Variants in GSDME observed in about 807,000 individuals in gnomAD.
GSDME encodes the protein gasdermin E.
In GSDME, 44 loss-of-function variants were observed where a neutral mutation model predicts 47.5. The ratio of observed to expected loss-of-function variants is 0.93; its 90% CI spans 0.73 to 1.19. The LOEUF is 1.19. Among genes scored for constraint, GSDME ranks in the 50% most tolerant of loss-of-function variants. The pLI is 0.00. For synonymous variants in GSDME, 258 were observed against 252.8 expected (o/e 1.02, Z -0.20); for missense variants, 663 against 604.2 (o/e 1.10, Z -1.02).
the GSDME span, among the ~76,000 whole-genome samples, chr7:24,770,302 C>T: frequency 2.0e-5 from 3 of 152,188 alleles, no homozygotes; most frequent in Non-Finnish European, 4.4e-5. This position sits in a 1 kb window ranked among gnomAD's most constrained non-coding sequence, Gnocchi z 4.6. Context: ...GAAGCTTTGT[C>T]TTCCTCCCTC....
At chr7:24,722,194 A>T (rs1340370463) in intron 3 of GSDME, among the ~76,000 whole-genome samples, 1 of 152,238 alleles carries the variant, frequency 6.6e-6, no homozygotes, top group Non-Finnish European at 1.5e-5. Context: ...TTTGGAATAA[A>T]TGAGTAAATA....
At chr7:24,765,245 C>T in the GSDME span, among the ~76,000 whole-genome samples, 2 of 152,174 alleles carry the variant, frequency 1.3e-5, no homozygotes, top group Non-Finnish European at 2.9e-5. Flanking sequence ...AATAAACAAT[C>T]CCATTAAGTT....
chr7:24,719,050 C>T lies in GSDME; in HGVS notation c.573G>A (p.Val191=), dbSNP rs1322674173. ...GGIVGIQTKT[V]QVSATEDGNV... ...AGGGCAGCCCGACTGCACGCACCTGCACCGTCTTGGTCTGGATGCCCACGA... is the reference window on the plus strand; with the variant it reads ...AGGGCAGCCCGACTGCACGCACCTGTACCGTCTTGGTCTGGATGCCCACGA... The change falls in exon 4 of 10, where the codon GTG becomes GTA. Residue 191 remains valine (V), a synonymous_variant. Transcript: ENST00000645220. The T allele has an allele frequency of 4.3e-6, 7 of 1,612,378 alleles. No homozygotes were observed. In the African/African-American group the frequency reaches 5.3e-5, roughly 12 times the overall value.
intron 8 of GSDME, chr7:24,703,464 C>G (rs1788963309): frequency 6.1e-6 from 1 of 163,602 alleles, no homozygotes; most frequent in Admixed American, 5.6e-5. Context: ...AATGCCAGAT[C>G]AGTGTTATTC....
intron 5 of GSDME, chr7:24,715,373 T>C (rs1256221824): frequency 2.2e-6 from 1 of 449,470 alleles, no homozygotes; most frequent in Non-Finnish European, 4.6e-6. Flanking sequence ...AGGGTAACCA[T>C]GCTGGGTGAT....
Position 24,742,237 on chromosome 7 carries a change from C to G in GSDME, c.404+2325G>C, listed in dbSNP as rs1008888885. On this transcript the variant is annotated intron_variant, in intron 3 of 9. Transcript: ENST00000645220. The surrounding 1 kb of genome is among the most constrained non-coding windows in gnomAD (Gnocchi z 4.4). Reference sequence around the variant, plus strand: ...AACATTCTGTGCTATCATTTTAAGACTTTTACATGATTTAGAGGAAAGAAC... The same window carrying G: ...AACATTCTGTGCTATCATTTTAAGAGTTTTACATGATTTAGAGGAAAGAAC... Among the ~76,000 whole-genome samples the G allele has an allele frequency of 6.6e-6, 1 of 152,166 alleles. No individual in the cohort carries two copies. Among genetic ancestry groups the G allele is most frequent in the Non-Finnish European group, 1.5e-5 (1 of 68,036 alleles).
the GSDME span, among the ~76,000 whole-genome samples, chr7:24,780,984 G>T: frequency 6.6e-6 from 1 of 152,208 alleles, no homozygotes; most frequent in African/African-American, 2.4e-5. This position sits in a 1 kb window ranked among gnomAD's most constrained non-coding sequence, Gnocchi z 4.1. Context: ...AGGGACTCAG[G>T]CCCCATTTTG....
Position 24,744,394 on chromosome 7 carries a change from T to C in GSDME, c.404+168A>G, listed in dbSNP as rs1296733784. ...ACTCAGGCTAAGAACAGTCAAGCAATTCCAGACTAAAGAATGTGCTCCTCA... is the reference window on the plus strand; with the variant it reads ...ACTCAGGCTAAGAACAGTCAAGCAACTCCAGACTAAAGAATGTGCTCCTCA... On this transcript the variant is annotated intron_variant, in intron 3 of 9. Coordinates refer to ENST00000645220, the MANE Select transcript of GSDME (RefSeq NM_001127453.2). This position sits in a 1 kb window ranked among gnomAD's most constrained non-coding sequence, Gnocchi z 4.5. 1 of 781,986 alleles carries C rather than the reference T, an allele frequency of 1.3e-6. No individual in the cohort carries two copies. Among genetic ancestry groups the C allele is most frequent in the East Asian group, 2.6e-5 (1 of 38,428 alleles). 48.4% of individuals were successfully genotyped at this position (781,986 alleles called of 1,614,324 possible).
Position 24,706,263 on chromosome 7 carries a change from C to G in GSDME, c.1104G>C (p.Gln368His), listed in dbSNP as rs756768069. 166 of 1,614,100 alleles carry G rather than the reference C, an allele frequency of 1.0e-4. No individual in the cohort carries two copies. The highest frequency in any genetic ancestry group is 1.2e-4 in the Non-Finnish European group (143 of 1,180,042). The stretch of plus-strand genomic sequence containing the variant: ...CATCCTCGGGGCCCGGACACCCACC[C>G]TGTAAGCTGCACCCCACCAGCTGCA... ...AFLQLVGCSLQGGCPGPEDAG... is the reference protein window; with the variant it reads ...AFLQLVGCSLHGGCPGPEDAG... Residue 368 changes from glutamine (Q) to histidine (H), a missense_variant, in exon 8 of 10, where the codon CAG becomes CAC. Coordinates refer to ENST00000645220, the MANE Select transcript of GSDME (RefSeq NM_001127453.2).
the GSDME span, among the ~76,000 whole-genome samples, chr7:24,763,840 A>T: frequency 6.6e-6 from 1 of 152,216 alleles, no homozygotes; most frequent in African/African-American, 2.4e-5. This position sits in a 1 kb window ranked among gnomAD's most constrained non-coding sequence, Gnocchi z 4.3. Context: ...TGTACAAAAT[A>T]ATTTTAGAGG....
the GSDME span, among the ~76,000 whole-genome samples, chr7:24,774,681 T>C: frequency 7.2e-5 from 11 of 151,996 alleles, no homozygotes; most frequent in African/African-American, 2.4e-4. Context: ...TACAGGCGCA[T>C]GCCACCACAC....
At chr7:24,760,402 C>A (rs1791149021), upstream of GSDME, among the ~76,000 whole-genome samples, 4 of 152,168 alleles carry the variant, frequency 2.6e-5, no homozygotes, top group African/African-American at 7.2e-5. The surrounding 1 kb of genome is among the most constrained non-coding windows in gnomAD (Gnocchi z 4.2). Context: ...GAGAGAAAAA[C>A]AGACTTTGGA....
chr7:24,784,346 T>C, the GSDME span, among the ~76,000 whole-genome samples: 2 of 152,198 alleles, frequency 1.3e-5, no homozygotes, highest in Non-Finnish European at 2.9e-5. Context: ...AGTCCCACGA[T>C]AGGCCACCTG....
At chr7:24,713,479 G>C (rs746837995) in intron 5 of GSDME, among the ~76,000 whole-genome samples, 3 of 152,220 alleles carry the variant, frequency 2.0e-5, no homozygotes, top group Non-Finnish European at 4.4e-5. Context: ...TCACAGGGAA[G>C]GAGAACCAGA....
Position 24,732,496 on chromosome 7 carries a change from G to T in GSDME, c.404+12066C>A, listed in dbSNP as rs1488658529. On this transcript the variant is annotated intron_variant, in intron 3 of 9. Transcript: ENST00000645220. The surrounding 1 kb of genome is among the most constrained non-coding windows in gnomAD (Gnocchi z 4.8). ...AATCAGGTGAGCAATCACAGTACCT[G>T]GTTTTGACTTCATTTTGCTGAAAGA... 6.6e-6 allele frequency among the ~76,000 whole-genome samples: 1 copy of T among 152,218 alleles called. No homozygotes were observed. The highest frequency in any genetic ancestry group is 1.5e-5 in the Non-Finnish European group (1 of 68,048).
the GSDME span, among the ~76,000 whole-genome samples, chr7:24,767,605 T>C: frequency 6.8e-6 from 1 of 147,946 alleles, no homozygotes; most frequent in Non-Finnish European, 1.5e-5. The surrounding 1 kb of genome is among the most constrained non-coding windows in gnomAD (Gnocchi z 5.3). Flanking sequence ...CAAAGGAAAA[T>C]GGAGTTGTAG....
chr7:24,753,807 T>G (rs1204571296), intron 1 of GSDME, among the ~76,000 whole-genome samples: 1 of 152,264 alleles, frequency 6.6e-6, no homozygotes, highest in Non-Finnish European at 1.5e-5. Context: ...TTGCTTTTTT[T>G]GGCTTTATTT....
chr7:24,792,906 G>C, the GSDME span, among the ~76,000 whole-genome samples: 2 of 152,112 alleles, frequency 1.3e-5, no homozygotes, highest in African/African-American at 4.8e-5. Flanking sequence ...AGTTTTGAGG[G>C]AAAGGAAAGT....
chr7:24,710,679 A>C, intron 5 of GSDME: 1 of 382,686 alleles, frequency 2.6e-6, no homozygotes, highest in Admixed American at 4.0e-5. Flanking sequence ...ATATTATTTT[A>C]TCCTGATTTG....
Sources: allele counts gnomAD v4.1 joint callset (sites outside exome capture counted in the v4.1 genomes callset), GRCh38; gene constraint gnomAD v4.1.1; non-coding constraint Gnocchi (gnomAD v3.1); transcripts MANE v1.5; gene names NCBI Gene and HGNC (gene_info 2026-07-23, HGNC 2026-07-21).